MAGI1: variants seen among roughly 807,000 people sequenced by gnomAD.
MAGI1 encodes the protein membrane-associated guanylate kinase, WW and PDZ domain-containing protein 1.
Under a neutral mutation model 139.9 loss-of-function variants are expected in MAGI1, and 58 were observed. That is an observed-to-expected ratio of 0.41 (90% CI 0.34 to 0.52). MAGI1 has a LOEUF of 0.52. Ranked by LOEUF, MAGI1 falls within the 20% of genes least tolerant of loss-of-function variation. The pLI, the probability that MAGI1 is intolerant of heterozygous loss-of-function variation, is 0.12. For missense variants in MAGI1, 1,874 were observed against 1,901.6 expected, an observed-to-expected ratio of 0.99 and a Z score of 0.27; for synonymous variants, 812 against 737.9, an observed-to-expected ratio of 1.10 and a Z score of -1.63.
chr3:65,645,939 T>C (rs965167088), intron 1 of MAGI1, among the ~76,000 whole-genome samples: 3 of 150,836 alleles, frequency 2.0e-5, no homozygotes, highest in Non-Finnish European at 4.4e-5. Context: ...TAAATCAAAA[T>C]AGAATGCTAA....
chr3:65,807,980 C>T lies in MAGI1; in HGVS notation c.314-185892G>A, dbSNP rs2040976809. On this transcript the variant is annotated intron_variant, in intron 1 of 22. Coordinates refer to ENST00000402939, the MANE Select transcript of MAGI1 (RefSeq NM_001033057.2). ...GCCTGTAATCCAGCACTTTGAGAGG[C>T]TAAGTTCGGCGGATCACTTGAGGTC... Among the ~76,000 whole-genome samples, 7 of 150,972 alleles carry T rather than the reference C, an allele frequency of 4.6e-5. No homozygotes were observed. In the South Asian group the frequency reaches 1.5e-3, roughly 32 times the overall value.
intron 1 of MAGI1, among the ~76,000 whole-genome samples, chr3:65,732,560 A>C (rs2034297877): frequency 6.6e-6 from 1 of 152,234 alleles, no homozygotes; most frequent in Non-Finnish European, 1.5e-5. Flanking sequence ...AAGAAGAAAG[A>C]CTGCTAATCA....
At chr3:65,718,436 C>T (rs1207148205) in intron 1 of MAGI1, 1 of 152,152 alleles carries the variant, frequency 6.6e-6, no homozygotes, top group Non-Finnish European at 1.5e-5. Context: ...GAAATGACCT[C>T]GTGCCCCAGT....
At chr3:65,509,292 T>G (rs371906906) in intron 2 of MAGI1, among the ~76,000 whole-genome samples, 4 of 152,142 alleles carry the variant, frequency 2.6e-5, no homozygotes, top group Admixed American at 6.5e-5. Context: ...GTTTTGTTTT[T>G]GGGGAGGAGC....
chr3:65,369,525 T>C (rs79785216), intron 18 of MAGI1, among the ~76,000 whole-genome samples: 1 of 150,316 alleles, frequency 6.7e-6, no homozygotes, highest in Non-Finnish European at 1.5e-5. Flanking sequence ...TTTTTTTTTT[T>C]CTGGAGACAC....
chr3:65,438,898 T>C (rs980059678), intron 9 of MAGI1, among the ~76,000 whole-genome samples: 1 of 152,238 alleles, frequency 6.6e-6, no homozygotes, highest in Non-Finnish European at 1.5e-5. Context: ...AGAGATTGAC[T>C]GTTTAAATCA....
At position 65,448,192 on chromosome 3, in the gene MAGI1, G is replaced by A. The variant is rs1475890868; in HGVS notation, c.1043-135C>T. Reference sequence around the variant, plus strand: ...CTAGTTCATCCTTACCTGCATTGTGGCTTATTTCATTGGCTTGGATAGTAA... The same window carrying A: ...CTAGTTCATCCTTACCTGCATTGTGACTTATTTCATTGGCTTGGATAGTAA... On this transcript the variant is annotated intron_variant, in intron 6 of 22. Transcript: ENST00000402939. The A allele has an allele frequency of 1.8e-5, 15 of 811,996 alleles. No homozygotes were observed. The East Asian group carries it at 3.5e-4, about 19-fold the overall frequency. The allele number at this position is 811,996 out of a possible 1,614,324, so 50.3% of individuals were successfully genotyped here. A position where few individuals can be genotyped will look rare whatever the true frequency, so the allele number is the denominator to read the frequency against.
At chr3:65,592,926 C>A (rs571440606) in intron 2 of MAGI1, among the ~76,000 whole-genome samples, 1 of 152,228 alleles carries the variant, frequency 6.6e-6, no homozygotes, top group South Asian at 2.1e-4. Context: ...GGTTCTAATA[C>A]AAGCTACAGG....
intron 1 of MAGI1, among the ~76,000 whole-genome samples, chr3:65,901,626 TTC>T (rs1456919204): frequency 6.6e-6 from 1 of 152,212 alleles, no homozygotes; most frequent in Non-Finnish European, 1.5e-5. Context: ...TTGAAAATAT[TTC>T]TGTTAAGCTT....
chr3:65,626,260 T>C (rs373442527), intron 1 of MAGI1, among the ~76,000 whole-genome samples: 1 of 152,222 alleles, frequency 6.6e-6, no homozygotes, highest in Admixed American at 6.5e-5. Flanking sequence ...GATTTGTACA[T>C]CCTTATGGAT....
At chr3:65,624,257 A>T (rs150229317) in intron 1 of MAGI1, among the ~76,000 whole-genome samples, 31 of 152,208 alleles carry the variant, frequency 2.0e-4, no homozygotes, top group Non-Finnish European at 3.4e-4. Context: ...TGACCCAACA[A>T]TTCCACCCTT....
At chr3:65,511,148 A>C (rs1402608090) in intron 2 of MAGI1, among the ~76,000 whole-genome samples, 1 of 150,120 alleles carries the variant, frequency 6.7e-6, no homozygotes, top group Admixed American at 6.6e-5. Context: ...AGAGCTCCTG[A>C]AGGAAGCGCT....
At chr3:66,002,097 A>T (rs1424915934) in intron 1 of MAGI1, among the ~76,000 whole-genome samples, 1 of 152,218 alleles carries the variant, frequency 6.6e-6, no homozygotes, top group African/African-American at 2.4e-5. Flanking sequence ...ACAAATGCCA[A>T]GCACAAAAAT....
chr3:65,440,971 A>G (rs554274676), intron 8 of MAGI1, among the ~76,000 whole-genome samples: 1 of 151,754 alleles, frequency 6.6e-6, no homozygotes, highest in South Asian at 2.1e-4. Context: ...TACATTATTT[A>G]TTGTTTTTTG....
At chr3:65,887,794 T>C (rs554855489) in intron 1 of MAGI1, among the ~76,000 whole-genome samples, 2 of 152,328 alleles carry the variant, frequency 1.3e-5, no homozygotes, top group East Asian at 1.9e-4. Context: ...CATGAGGATA[T>C]GGTACATTGC....
chr3:65,839,895 C>T (rs1207205364), intron 1 of MAGI1, among the ~76,000 whole-genome samples: 5 of 152,178 alleles, frequency 3.3e-5, no homozygotes, highest in Non-Finnish European at 5.9e-5. Context: ...TCAATATATG[C>T]AATGAGGTAT....
At chr3:65,691,885 C>T (rs553890507) in intron 1 of MAGI1, among the ~76,000 whole-genome samples, 1 of 152,300 alleles carries the variant, frequency 6.6e-6, no homozygotes, top group East Asian at 1.9e-4. Flanking sequence ...CCAGTTCCAA[C>T]CTAATTAGCT....
At chr3:65,704,002 A>T (rs2089788999) in intron 1 of MAGI1, among the ~76,000 whole-genome samples, 1 of 152,150 alleles carries the variant, frequency 6.6e-6, no homozygotes, top group Admixed American at 6.5e-5. Flanking sequence ...CAATCTGAAC[A>T]ACCCTTTTTA....
At chr3:65,500,602 T>C (rs1363010666) in intron 2 of MAGI1, among the ~76,000 whole-genome samples, 2 of 152,242 alleles carry the variant, frequency 1.3e-5, no homozygotes, top group Non-Finnish European at 2.9e-5. Flanking sequence ...TCTTGAAATA[T>C]CCAGTTGAGG....
Sources: allele counts gnomAD v4.1 joint callset (sites outside exome capture counted in the v4.1 genomes callset), GRCh38; gene constraint gnomAD v4.1.1; transcripts MANE v1.5; gene names NCBI Gene and HGNC (gene_info 2026-07-23, HGNC 2026-07-21).